Variants in MSRB3 observed in about 807,000 individuals in gnomAD.
MSRB3 encodes the protein methionine sulfoxide reductase B3.
MSRB3 carries 13 observed loss-of-function variants against 21.0 expected under a neutral mutation model. That is an observed-to-expected ratio of 0.62 (90% CI 0.40 to 0.98). The LOEUF is 0.98. MSRB3 is among the 50% of genes least tolerant of loss of function. MSRB3 has a pLI of 0.00. For synonymous variants in MSRB3, 87 were observed against 88.6 expected, an observed-to-expected ratio of 0.98 and a Z score of 0.10; for missense variants, 199 against 230.3, an observed-to-expected ratio of 0.86 and a Z score of 0.88.
chr12:65,452,695 T>C (rs1387583598), intron 5 of MSRB3, among the ~76,000 whole-genome samples: 1 of 152,196 alleles, frequency 6.6e-6, no homozygotes, highest in African/African-American at 2.4e-5. Flanking sequence ...TGGCCTAATC[T>C]GTTTTGTTTG....
At chr12:65,361,757 C>T (rs1284162297) in intron 4 of MSRB3, among the ~76,000 whole-genome samples, 1 of 152,054 alleles carries the variant, frequency 6.6e-6, no homozygotes, top group Non-Finnish European at 1.5e-5. Flanking sequence ...AGTTAAAAGA[C>T]GTATAATACT....
At chr12:65,372,938 A>G (rs912363425) in intron 5 of MSRB3, among the ~76,000 whole-genome samples, 2 of 152,230 alleles carry the variant, frequency 1.3e-5, no homozygotes, top group Non-Finnish European at 2.9e-5. Context: ...ACCTTTGGAA[A>G]TTTCATTAAC....
chr12:65,425,182 T>G (rs2136652674), intron 5 of MSRB3, among the ~76,000 whole-genome samples: 1 of 112,512 alleles, frequency 8.9e-6, no homozygotes, highest in Admixed American at 8.0e-5. Flanking sequence ...CTACACATAC[T>G]CTCTTGGTTT....
At chr12:65,453,033 T>C (rs1882926447) in intron 5 of MSRB3, among the ~76,000 whole-genome samples, 1 of 152,204 alleles carries the variant, frequency 6.6e-6, no homozygotes, top group Admixed American at 6.5e-5. Flanking sequence ...AAAGTGTGCA[T>C]ATATTTTTAA....
chr12:65,290,647 C>G (rs1365046433), intron 1 of MSRB3, among the ~76,000 whole-genome samples: 1 of 152,100 alleles, frequency 6.6e-6, no homozygotes, highest in Admixed American at 6.6e-5. Flanking sequence ...TAAAATATTT[C>G]AGTTTTTTAC....
intron 5 of MSRB3, among the ~76,000 whole-genome samples, chr12:65,394,429 T>G (rs960242720): frequency 6.6e-6 from 1 of 152,122 alleles, no homozygotes; most frequent in Non-Finnish European, 1.5e-5. Flanking sequence ...AATAGACAAG[T>G]AAAGAGATTA....
At chr12:65,346,826 C>T (rs1323920615) in intron 4 of MSRB3, among the ~76,000 whole-genome samples, 2 of 152,096 alleles carry the variant, frequency 1.3e-5, no homozygotes, top group Non-Finnish European at 1.5e-5. Flanking sequence ...TTCCCAGCAC[C>T]ATTTATTAAA....
chr12:65,409,205 T>C (rs1478113752), intron 5 of MSRB3, among the ~76,000 whole-genome samples: 2 of 151,662 alleles, frequency 1.3e-5, no homozygotes, highest in Non-Finnish European at 2.9e-5. Flanking sequence ...CACACACACA[T>C]ACACATACAC....
At chr12:65,459,336 A>C (rs1175705831) in intron 6 of MSRB3, among the ~76,000 whole-genome samples, 15 of 152,190 alleles carry the variant, frequency 9.9e-5, no homozygotes, top group Admixed American at 9.2e-4. Context: ...AAACCTTATT[A>C]ATCTTCTACA....
At chr12:65,379,795 A>C (rs1053348344) in intron 5 of MSRB3, among the ~76,000 whole-genome samples, 4 of 152,192 alleles carry the variant, frequency 2.6e-5, no homozygotes, top group Non-Finnish European at 5.9e-5. Flanking sequence ...CTTGGTTTCT[A>C]ATATTCTCAG....
chr12:65,303,599 A>T (rs546679026), intron 1 of MSRB3, among the ~76,000 whole-genome samples: 3 of 152,330 alleles, frequency 2.0e-5, no homozygotes, highest in African/African-American at 7.2e-5. Flanking sequence ...TATCCTGAAC[A>T]TATAATCGGT....
intron 4 of MSRB3, among the ~76,000 whole-genome samples, chr12:65,329,779 T>A (rs1401339118): frequency 6.6e-6 from 1 of 152,216 alleles, no homozygotes; most frequent in Non-Finnish European, 1.5e-5. Context: ...GTTTCTCTTT[T>A]AAAAAACCAG....
At chr12:65,287,953 C>T (rs1370040209) in intron 1 of MSRB3, among the ~76,000 whole-genome samples, 1 of 152,068 alleles carries the variant, frequency 6.6e-6, no homozygotes, top group African/African-American at 2.4e-5. Flanking sequence ...CTTCTTGTGC[C>T]TCAGTTTTCA....
intron 1 of MSRB3, among the ~76,000 whole-genome samples, chr12:65,287,369 C>A (rs1362809208): frequency 6.6e-6 from 1 of 152,094 alleles, no homozygotes; most frequent in Non-Finnish European, 1.5e-5. Context: ...CTTAAGCAGT[C>A]CTCCCACCTT....
At chr12:65,425,617 A>T (rs1187790312) in intron 5 of MSRB3, among the ~76,000 whole-genome samples, 1 of 152,104 alleles carries the variant, frequency 6.6e-6, no homozygotes, top group Non-Finnish European at 1.5e-5. Context: ...CTTTGATTGT[A>T]TTACAAAATC....
At chr12:65,299,560 C>T (rs1162971335) in intron 1 of MSRB3, among the ~76,000 whole-genome samples, 1 of 152,198 alleles carries the variant, frequency 6.6e-6, no homozygotes, top group African/African-American at 2.4e-5. Flanking sequence ...CCATTTTCCA[C>T]AACTTAGTAT....
intron 1 of MSRB3, among the ~76,000 whole-genome samples, chr12:65,282,680 T>TG (rs1283234666): frequency 6.6e-6 from 1 of 150,926 alleles, no homozygotes; most frequent in African/African-American, 2.4e-5. Context: ...GCTGGTGTTT[T>TG]TTTTTTTTTT....
intron 5 of MSRB3, among the ~76,000 whole-genome samples, chr12:65,371,926 C>G (rs1044744921): frequency 1.3e-5 from 2 of 152,026 alleles, no homozygotes; most frequent in African/African-American, 2.4e-5. Flanking sequence ...AAATTTCAAC[C>G]ATGTATAAAA....
intron 5 of MSRB3, among the ~76,000 whole-genome samples, chr12:65,448,559 A>G (rs1882719304): frequency 6.6e-6 from 1 of 152,148 alleles, no homozygotes; most frequent in Non-Finnish European, 1.5e-5. Flanking sequence ...GAAATGTTCT[A>G]TGTCTGTGGA....
Sources: gnomAD v4.1 joint callset for allele counts (sites outside exome capture counted in the v4.1 genomes callset) on GRCh38, gnomAD v4.1.1 for gene constraint, MANE v1.5 for transcripts, NCBI Gene and HGNC (gene_info 2026-07-23, HGNC 2026-07-21) for gene names.